ULK1: variants seen among roughly 807,000 people sequenced by gnomAD.
The protein encoded by ULK1 is serine/threonine-protein kinase ULK1.
A neutral mutation model predicts 117.5 loss-of-function variants in ULK1; 48 were observed. The observed-to-expected ratio is 0.41, with a 90% CI of 0.32 to 0.52. ULK1 has a LOEUF of 0.52. Ranked by LOEUF, ULK1 falls within the 20% of genes least tolerant of loss-of-function variation. ULK1 has a pLI of 0.29. For synonymous variants in ULK1, 790 were observed against 637.8 expected, an observed-to-expected ratio of 1.24 and a Z score of -3.60; for missense variants, 1,387 against 1,473.4, an observed-to-expected ratio of 0.94 and a Z score of 0.96.
chr12:131,914,615 C>G, intron 16 of ULK1, 138 bp downstream of exon 16: 1 of 1,190,098 alleles, frequency 8.4e-7, no homozygotes, highest in East Asian at 2.8e-5. Flanking sequence ...TCAGCACCAC[C>G]ATTTACTTTG....
rs988151585 is a variant in ULK1, at chr12:131,903,428, G to A, written c.247-3464G>A. ...CTCCCAACCTCTGGGGCCTCAGTGT[G>A]CTCGTATGGGAAGTGGGCTGGTTAT... On this transcript the variant is annotated intron_variant, in intron 3 of 27. Transcript: ENST00000321867. The surrounding 1 kb of genome is among the most constrained non-coding windows in gnomAD (Gnocchi z 6.0). Among the ~76,000 whole-genome samples the A allele has an allele frequency of 6.6e-6, 1 of 152,202 alleles. No individual in the cohort carries two copies. Among genetic ancestry groups the A allele is most frequent in the African/African-American group, 2.4e-5 (1 of 41,428 alleles).
At chr12:131,898,825 G>A (rs992735236) in intron 3 of ULK1, among the ~76,000 whole-genome samples, 1 of 151,890 alleles carries the variant, frequency 6.6e-6, no homozygotes, top group African/African-American at 2.4e-5. Context: ...TGATGAATGA[G>A]CTTCCCTATC....
chr12:131,907,383 G>A (rs1337651530), intron 4 of ULK1, 112 bp from the exon 5 acceptor site: 4 of 1,385,482 alleles, frequency 2.9e-6, no homozygotes, highest in East Asian at 2.5e-5. Flanking sequence ...CTGGGCAGGT[G>A]CCTGCGGGCT....
rs886439790 is a variant in ULK1 at position 131,913,890 on chromosome 12, A to T, written c.1247+54A>T. The T allele has an allele frequency of 2.1e-6, 3 of 1,396,076 alleles. No individual in the cohort carries two copies. The Admixed American group carries it at 8.9e-5, about 42-fold the overall frequency. The allele number at this position is 1,396,076 out of a possible 1,614,324, so 86.5% of individuals were successfully genotyped here. A position where few individuals can be genotyped will look rare whatever the true frequency, so the allele number is the denominator to read the frequency against. Reference sequence around the variant, plus strand: ...GGGCTGTGAACAGTCCCCCGGCTGGAGGTTGGGCTTCCTGTGTGTCGCAGC... The same window carrying T: ...GGGCTGTGAACAGTCCCCCGGCTGGTGGTTGGGCTTCCTGTGTGTCGCAGC... On this transcript the variant is annotated intron_variant, in intron 15 of 27. Transcript: ENST00000321867.
At chr12:131,906,671 G>T (rs138913008) in intron 3 of ULK1, 2 of 604,904 alleles carry the variant, frequency 3.3e-6, no homozygotes, top group African/African-American at 1.9e-5. Flanking sequence ...GGGACCAGGG[G>T]CCTTTGCCTT....
At position 131,909,166 on chromosome 12, in the gene ULK1, G is replaced by A. The variant is rs754009822; in HGVS notation, c.595G>A (p.Asp199Asn). The change falls in exon 8 of 28, where the codon GAC (aspartate) becomes AAC (asparagine). Residue 199 changes from aspartate to asparagine, a missense_variant. Transcript: ENST00000321867. The stretch of plus-strand genomic sequence containing the variant: ...CGAGGTCATCATGTCCCAGCACTAC[G>A]ACGGGAAGGCGGACCTGTGGAGCAT... ...APEVIMSQHYDGKADLWSIGT... is the reference protein window; with the variant it reads ...APEVIMSQHYNGKADLWSIGT... The A allele has an allele frequency of 3.1e-6, 5 of 1,609,958 alleles. No homozygotes were observed. The highest frequency in any genetic ancestry group is 2.2e-5 in the East Asian group (1 of 44,706).
chr12:131,917,423 G>A lies in ULK1; in HGVS notation c.2195G>A (p.Gly732Asp), dbSNP rs756723073. Residue 732 changes from glycine (G) to aspartate (D), a missense_variant, in exon 22 of 28, where the codon GGC becomes GAC. By Grantham distance (94) the Gly-to-Asp change is moderately conservative (BLOSUM62 -1). This residue lies in a region of ULK1 where 900 missense variants were observed against 858.9 expected (regional missense o/e 1.05). Transcript: ENST00000321867. ...CTTGCTCTCCCAGCACCCTCAGCTG[G>A]CTTTGGAGGGAGCCTGCACCCAGGA... The part of the protein sequence containing the change: ...EKPMEIAPSA[G>D]FGGSLHPGAR... 2.0e-6 allele frequency: 3 copies of A among 1,533,158 alleles called. No individual in the cohort carries two copies. Among genetic ancestry groups the A allele is most frequent in the Non-Finnish European group, 2.6e-6 (3 of 1,142,136 alleles). 95.0% of individuals were successfully genotyped at this position (1,533,158 alleles called of 1,614,324 possible).
At chr12:131,912,649 T>C (rs1036313329) in intron 13 of ULK1, among the ~76,000 whole-genome samples, 1 of 152,166 alleles carries the variant, frequency 6.6e-6, no homozygotes, top group Admixed American at 6.5e-5. Flanking sequence ...AGGGACACAA[T>C]GACTCATGCC....
intron 18 of ULK1, 125 bp from the exon 19 acceptor site, chr12:131,915,766 C>T: frequency 7.4e-7 from 1 of 1,358,316 alleles, no homozygotes; most frequent in Non-Finnish European, 1.0e-6. Context: ...GAGACCCCGT[C>T]TCAACAAAAG....
At chr12:131,909,356 TGGCGG>T in intron 8 of ULK1, 119 bp downstream of exon 8, 1 of 1,208,352 alleles carries the variant, frequency 8.3e-7, no homozygotes. Context: ...GGGTCCTGGC[TGGCGG>T]GGCGGGCGTC....
Position 131,912,086 on chromosome 12 carries a change from C to T in ULK1, c.1093C>T (p.Pro365Ser). The change falls in exon 13 of 28, where the codon CCA becomes TCA. Residue 365 changes from proline (P) to serine (S), a missense_variant. Transcript: ENST00000321867. ...DDFVMVPAQF[P>S]GDLVAEAPSA... is the part of the protein sequence containing the mutation. ...CTTCGTCATGGTCCCCGCGCAGTTT[C>T]CAGGTCAGGGGGCACGCTGGGCTTG... is the stretch of plus-strand genomic sequence containing the variant. 1 of 1,611,342 alleles carries T rather than the reference C, an allele frequency of 6.2e-7. No individual in the cohort carries two copies. Among genetic ancestry groups the T allele is most frequent in the Non-Finnish European group, 8.5e-7 (1 of 1,179,186 alleles).
chr12:131,901,073 A>G (rs1394005581), intron 3 of ULK1, among the ~76,000 whole-genome samples: 2 of 150,088 alleles, frequency 1.3e-5, no homozygotes, highest in African/African-American at 2.5e-5. Context: ...AAACAATGGG[A>G]TGAGACTGGG....
In ULK1 at chr12:131,921,300, C is replaced by T. The variant is rs761399582; in HGVS notation, c.3098-6C>T. 3 of 1,608,172 alleles carry T rather than the reference C, an allele frequency of 1.9e-6. No homozygotes were observed. Among genetic ancestry groups the T allele is most frequent in the Non-Finnish European group, 2.5e-6 (3 of 1,179,946 alleles). The stretch of plus-strand genomic sequence containing the variant: ...GTCTCCCTCACACTCCCCTCTCCCT[C>T]CACAGGCAAGCTGTGCATTGAGCGG... On this transcript the variant is annotated splice_polypyrimidine_tract_variant and splice_region_variant and intron_variant, in intron 27 of 27. Transcript: ENST00000321867.
At chr12:131,920,798 C>G in intron 26 of ULK1, 1 of 396,374 alleles carries the variant, frequency 2.5e-6, no homozygotes, top group Non-Finnish European at 4.5e-6. Flanking sequence ...TCCCTCCTGC[C>G]CCCCTTCCCG....
chr12:131,906,987 G>A, intron 4 of ULK1, 63 bp downstream of exon 4: 2 of 1,609,106 alleles, frequency 1.2e-6, no homozygotes, highest in Non-Finnish European at 1.7e-6. Context: ...GAGCCCCACA[G>A]GGAGGGACAT....
chr12:131,916,258 C>A, intron 19 of ULK1, 99 bp downstream of exon 19: 1 of 1,528,430 alleles, frequency 6.5e-7, no homozygotes. Context: ...AGCTCTGTAC[C>A]TTTTGACCCC....
intron 8 of ULK1, 137 bp from the exon 9 acceptor site, chr12:131,909,638 G>T: frequency 2.2e-6 from 2 of 909,596 alleles, no homozygotes; most frequent in Non-Finnish European, 1.6e-6. Context: ...GCAGCAAACA[G>T]CCGCGCTAGC....
Position 131,909,155 on chromosome 12 carries a change from C to G in ULK1, c.584C>G (p.Ser195Cys). The stretch of plus-strand genomic sequence containing the variant: ...CCGCAGGCCCCCGAGGTCATCATGT[C>G]CCAGCACTACGACGGGAAGGCGGAC... ...PMYMAPEVIM[S>C]QHYDGKADLW... Residue 195 changes from serine (S) to cysteine (C), a missense_variant, in exon 8 of 28, where the codon TCC becomes TGC. This residue lies in a region of ULK1 where 224 missense variants were observed against 325.2 expected (regional missense o/e 0.69). Coordinates refer to ENST00000321867, the MANE Select transcript of ULK1 (RefSeq NM_003565.4). 1 of 1,609,498 alleles carries G rather than the reference C, an allele frequency of 6.2e-7. No homozygotes were observed. Among genetic ancestry groups the G allele is most frequent in the South Asian group, 1.1e-5 (1 of 90,444 alleles).
chr12:131,920,687 G>A, intron 26 of ULK1: 1 of 211,428 alleles, frequency 4.7e-6, no homozygotes, highest in Non-Finnish European at 9.5e-6. Flanking sequence ...AAGATGCTGG[G>A]TATTACAGGC....
Sources: allele counts gnomAD v4.1 joint callset (sites outside exome capture counted in the v4.1 genomes callset), GRCh38; gene constraint gnomAD v4.1.1; regional missense constraint gnomAD v4.1.1; non-coding constraint Gnocchi (gnomAD v3.1); transcripts MANE v1.5; gene names NCBI Gene and HGNC (gene_info 2026-07-23, HGNC 2026-07-21).